The following AKAP6 variants were observed in gnomAD, a reference collection of about 807,000 sequenced individuals.
AKAP6 encodes A-kinase anchoring protein 6.
AKAP6 carries 58 observed loss-of-function variants against 188.5 expected under a neutral mutation model. The ratio of observed to expected loss-of-function variants is 0.31; its 90% CI spans 0.25 to 0.38. The LOEUF (loss-of-function observed/expected upper bound fraction) is 0.38. AKAP6 is among the 10% of genes least tolerant of loss of function. The probability of loss-of-function intolerance (pLI) is 1.00; values close to 1 mark genes in which losing one functional copy is unlikely to be tolerated. For missense variants in AKAP6, 2,710 were observed against 2,740.0 expected, an observed-to-expected ratio of 0.99 and a Z score of 0.24; for synonymous variants, 989 against 998.6, an observed-to-expected ratio of 0.99 and a Z score of 0.18.
chr14:32,706,517 T>TA (rs1890818601), intron 9 of AKAP6, among the ~76,000 whole-genome samples: 1 of 152,104 alleles, frequency 6.6e-6, no homozygotes, highest in Non-Finnish European at 1.5e-5. Flanking sequence ...TGGATCCCGT[T>TA]ATGCCAAAGG....
chr14:32,410,154 T>G (rs372154805), intron 1 of AKAP6, among the ~76,000 whole-genome samples: 11 of 133,898 alleles, frequency 8.2e-5, no homozygotes, highest in Non-Finnish European at 1.7e-4. Context: ...TCCCCTCCTT[T>G]TTTTTTCTTT....
chr14:32,542,986 A>G (rs1243277484), intron 3 of AKAP6, among the ~76,000 whole-genome samples: 3 of 152,252 alleles, frequency 2.0e-5, no homozygotes, highest in Non-Finnish European at 2.9e-5. Context: ...ACACAATGCA[A>G]TGATCAAATC....
At chr14:32,470,255 C>A (rs910281291) in intron 2 of AKAP6, among the ~76,000 whole-genome samples, 1 of 152,138 alleles carries the variant, frequency 6.6e-6, no homozygotes, top group African/African-American at 2.4e-5. Context: ...TGTCTCCCTG[C>A]ATTTTAACAA....
intron 12 of AKAP6, among the ~76,000 whole-genome samples, chr14:32,789,147 C>G (rs558419140): frequency 1.5e-4 from 23 of 152,280 alleles, no homozygotes; most frequent in Middle Eastern, 6.8e-3. Context: ...AGATCCATTC[C>G]TCCTCACAGG....
chr14:32,737,534 G>A (rs373747081), intron 11 of AKAP6, among the ~76,000 whole-genome samples: 1 of 152,260 alleles, frequency 6.6e-6, no homozygotes, highest in South Asian at 2.1e-4. Flanking sequence ...GGTACACTCT[G>A]CCTTTCTAAG....
Position 32,747,808 on chromosome 14 carries a change from A to G in AKAP6, c.3372+11926A>G, listed in dbSNP as rs541125773. 1.2e-3 allele frequency among the ~76,000 whole-genome samples: 178 copies of G among 152,338 alleles called. 1 individual carries two copies. The highest frequency in any genetic ancestry group is 2.2e-3 in the Non-Finnish European group (150 of 68,034). On this transcript the variant is annotated intron_variant, in intron 11 of 13. Coordinates refer to ENST00000280979, the MANE Select transcript of AKAP6 (RefSeq NM_004274.5). ...TAAAAGAAAATGGAATAGCAGCCCAATTCTTTCTGATTACATATTTTGCTA... is the reference window on the plus strand; with the variant it reads ...TAAAAGAAAATGGAATAGCAGCCCAGTTCTTTCTGATTACATATTTTGCTA...
intron 9 of AKAP6, among the ~76,000 whole-genome samples, chr14:32,702,628 G>A (rs1457048705): frequency 6.6e-6 from 1 of 152,114 alleles, no homozygotes; most frequent in Non-Finnish European, 1.5e-5. Flanking sequence ...GGCAAGGAAG[G>A]GAAGCCCCGC....
At chr14:32,502,304 C>G (rs1454395096) in intron 2 of AKAP6, among the ~76,000 whole-genome samples, 1 of 152,016 alleles carries the variant, frequency 6.6e-6, no homozygotes, top group Non-Finnish European at 1.5e-5. Context: ...TCAAAGGAGA[C>G]TGGTGGTAAA....
intron 12 of AKAP6, among the ~76,000 whole-genome samples, chr14:32,814,888 C>T (rs1016443635): frequency 1.3e-5 from 2 of 152,128 alleles, no homozygotes; most frequent in East Asian, 3.9e-4. Context: ...GCCACCATGC[C>T]TGGGCAATCA....
intron 2 of AKAP6, among the ~76,000 whole-genome samples, chr14:32,453,570 C>CTTTTTTT (rs1891006364): frequency 1.4e-5 from 1 of 70,910 alleles, no homozygotes; most frequent in Non-Finnish European, 2.5e-5. Context: ...TAGAATTTTT[C>CTTTTTTT]TTTTCTTTTT....
At chr14:32,758,740 A>G (rs1348682637) in intron 11 of AKAP6, among the ~76,000 whole-genome samples, 1 of 152,218 alleles carries the variant, frequency 6.6e-6, no homozygotes. Flanking sequence ...TCTCAAAAAA[A>G]CAAACAAACA....
intron 12 of AKAP6, among the ~76,000 whole-genome samples, chr14:32,813,389 A>AAC (rs2034290908): frequency 2.3e-4 from 15 of 65,336 alleles, no homozygotes; most frequent in Non-Finnish European, 2.8e-4. Flanking sequence ...CTCTAACCCT[A>AAC]CCCCCCCCCC....
chr14:32,791,660 A>G (rs990634850), intron 12 of AKAP6, among the ~76,000 whole-genome samples: 1 of 152,044 alleles, frequency 6.6e-6, no homozygotes, highest in Non-Finnish European at 1.5e-5. Context: ...TTTTGTTGCA[A>G]TTGCTTTTGG....
intron 4 of AKAP6, among the ~76,000 whole-genome samples, chr14:32,569,350 C>T (rs189004777): frequency 7.4e-4 from 112 of 152,296 alleles, no homozygotes; most frequent in African/African-American, 2.6e-3. Context: ...ACAGTCAACA[C>T]TGACTGAAAC....
At chr14:32,415,430 T>C (rs896842916) in intron 1 of AKAP6, among the ~76,000 whole-genome samples, 2 of 152,204 alleles carry the variant, frequency 1.3e-5, no homozygotes, top group Non-Finnish European at 2.9e-5. Context: ...GTTTTAGATC[T>C]ACAGATACTT....
chr14:32,665,451 T>C (rs894218385), intron 7 of AKAP6, among the ~76,000 whole-genome samples: 1 of 152,030 alleles, frequency 6.6e-6, no homozygotes, highest in African/African-American at 2.4e-5. Flanking sequence ...GATGAAGAGA[T>C]GCATAGGGCG....
chr14:32,710,512 G>A (rs1891002273), intron 9 of AKAP6, among the ~76,000 whole-genome samples: 1 of 152,052 alleles, frequency 6.6e-6, no homozygotes, highest in Non-Finnish European at 1.5e-5. Flanking sequence ...ACATGAGGTG[G>A]AGAAACAGGA....
At chr14:32,471,628 C>T (rs1878785759) in intron 2 of AKAP6, among the ~76,000 whole-genome samples, 1 of 152,218 alleles carries the variant, frequency 6.6e-6, no homozygotes, top group South Asian at 2.1e-4. Context: ...AACATTCTCT[C>T]ACCCAATTTG....
At chr14:32,397,299 G>A (rs1271108444) in intron 1 of AKAP6, among the ~76,000 whole-genome samples, 1 of 152,104 alleles carries the variant, frequency 6.6e-6, no homozygotes, top group African/African-American at 2.4e-5. Context: ...CATTGGAACA[G>A]CCATTGGGCC....
Sources: gnomAD v4.1 joint callset for allele counts (sites outside exome capture counted in the v4.1 genomes callset) on GRCh38, gnomAD v4.1.1 for gene constraint, MANE v1.5 for transcripts, NCBI Gene and HGNC (gene_info 2026-07-23, HGNC 2026-07-21) for gene names.